Variants in TIMM29 observed in about 807,000 individuals in gnomAD.
The protein encoded by TIMM29 is translocase of inner mitochondrial membrane 29, also known as mitochondrial import inner membrane translocase subunit Tim29.
In TIMM29, 23 loss-of-function variants were observed where a neutral mutation model predicts 19.5. The observed-to-expected ratio is 1.18, with a 90% CI of 0.85 to 1.67. The LOEUF (loss-of-function observed/expected upper bound fraction) is 1.67, where lower values mean the gene tolerates loss of function less well. TIMM29 is among the 40% of genes most tolerant of loss of function. The pLI, the probability that TIMM29 is intolerant of heterozygous loss-of-function variation, is 0.00. For synonymous variants in TIMM29, 209 were observed against 185.0 expected, an observed-to-expected ratio of 1.13 and a Z score of -1.05; for missense variants, 404 against 384.7, an observed-to-expected ratio of 1.05 and a Z score of -0.42.
In TIMM29 at chr19:10,928,915, G is replaced by T; in HGVS notation, c.93G>T (p.Leu31=). The change falls in exon 1 of 2, where the codon CTG becomes CTT. Residue 31 remains leucine (L), a splice_region_variant and synonymous_variant. Transcript: ENST00000270502. ...CGAAGCCGGGAGTGTGGGCGCGGCTGGGTGAGTAGCGGCGGAAGGCGGCAG... is the reference window on the plus strand; with the variant it reads ...CGAAGCCGGGAGTGTGGGCGCGGCTTGGTGAGTAGCGGCGGAAGGCGGCAG... ...VVAKPGVWAR[L]GSWARALLRD... 6.6e-7 allele frequency: 1 copy of T among 1,515,570 alleles called. No homozygotes were observed. The highest frequency in any genetic ancestry group is 2.7e-5 in the East Asian group (1 of 37,368). 93.9% of individuals were successfully genotyped at this position (1,515,570 alleles called of 1,614,324 possible).
In TIMM29 at chr19:10,929,198, C is replaced by T. The variant is rs897179089; in HGVS notation, c.279C>T (p.Thr93=). The change falls in exon 2 of 2, where the codon ACC becomes ACT. Residue 93 remains threonine, a synonymous_variant. Transcript: ENST00000270502. ...AGGCGCTGCTGGAGGCGTCGGGGAC[C>T]CTCCTGCTGCTGGCGCCGGCCACCC... ...FEEALLEASG[T]LLLLAPATRN... is the part of the protein sequence containing the mutation. 5 of 1,469,152 alleles carry T rather than the reference C, an allele frequency of 3.4e-6. No individual in the cohort carries two copies. Among genetic ancestry groups the T allele is most frequent in the African/African-American group, 2.9e-5 (2 of 69,602 alleles). The allele number at this position is 1,469,152 out of a possible 1,614,324, so 91.0% of individuals were successfully genotyped here.
rs1438771682 is a variant in TIMM29 at position 10,928,827 on chromosome 19, C to T, written c.5C>T (p.Ala2Val). The T allele has an allele frequency of 3.9e-6, 6 of 1,529,008 alleles. No homozygotes were observed. The highest frequency in any genetic ancestry group is 4.4e-6 in the Non-Finnish European group (5 of 1,141,296). The allele number at this position is 1,529,008 out of a possible 1,614,324, so 94.7% of individuals were successfully genotyped here. A position where few individuals can be genotyped will look rare whatever the true frequency, so the allele number is the denominator to read the frequency against. The change falls in exon 1 of 2, where the codon GCC becomes GTC. Residue 2 changes from alanine to valine, a missense_variant. By Grantham distance (64) the Ala-to-Val change is moderately conservative. Coordinates refer to ENST00000270502, the MANE Select transcript of TIMM29 (RefSeq NM_138358.4). ...GGACCCCCAAGACGGAAGAGGATGG[C>T]CGCGGCGGCTCTGAGGAGATTTTGG... M[A>V]AAALRRFWSR...
chr19:10,929,844 G>T lies in TIMM29; in HGVS notation c.*142G>T. Reference sequence around the variant, plus strand: ...TTGCACAAGTTTGGGGAGCCTTTCTGCCCCCCGTCTTTGTTCTTTATTAGC... The same window carrying T: ...TTGCACAAGTTTGGGGAGCCTTTCTTCCCCCCGTCTTTGTTCTTTATTAGC... On this transcript the variant is annotated 3_prime_UTR_variant, in exon 2 of 2. Coordinates refer to ENST00000270502, the MANE Select transcript of TIMM29 (RefSeq NM_138358.4). The T allele has an allele frequency of 2.1e-6, 2 of 943,930 alleles. No individual in the cohort carries two copies. The highest frequency in any genetic ancestry group is 3.1e-6 in the Non-Finnish European group (2 of 651,240). The allele number at this position is 943,930 out of a possible 1,614,324, so 58.5% of individuals were successfully genotyped here. A position where few individuals can be genotyped will look rare whatever the true frequency, so the allele number is the denominator to read the frequency against.
At position 10,928,853 on chromosome 19, in the gene TIMM29, T is replaced by A; in HGVS notation, c.31T>A (p.Ser11Thr). Residue 11 changes from serine (S) to threonine (T), a missense_variant, in exon 1 of 2, where the codon TCC becomes ACC. Ser to Thr is a moderately conservative substitution (Grantham distance 58, BLOSUM62 1). Coordinates refer to ENST00000270502, the MANE Select transcript of TIMM29 (RefSeq NM_138358.4). MAAAALRRFWSRRRAEAGDAV... is the reference protein window; with the variant it reads MAAAALRRFWTRRRAEAGDAV... ...CGCGGCGGCTCTGAGGAGATTTTGG[T>A]CCCGGCGCCGCGCAGAGGCGGGCGA... 1.3e-6 allele frequency: 2 copies of A among 1,526,574 alleles called. No homozygotes were observed. Among genetic ancestry groups the A allele is most frequent in the South Asian group, 2.4e-5 (2 of 82,570 alleles). The allele number at this position is 1,526,574 out of a possible 1,614,324, so 94.6% of individuals were successfully genotyped here. A position where few individuals can be genotyped will look rare whatever the true frequency, so the allele number is the denominator to read the frequency against.
At position 10,928,920 on chromosome 19, in the gene TIMM29, A is replaced by G. The variant is rs750887649; in HGVS notation, c.94+4A>G. 1.3e-6 allele frequency: 2 copies of G among 1,511,666 alleles called. No individual in the cohort carries two copies. The highest frequency in any genetic ancestry group is 2.4e-5 in the South Asian group (2 of 81,838). The allele number at this position is 1,511,666 out of a possible 1,614,324, so 93.6% of individuals were successfully genotyped here. ...CCGGGAGTGTGGGCGCGGCTGGGTG[A>G]GTAGCGGCGGAAGGCGGCAGGGTGG... On this transcript the variant is annotated splice_donor_region_variant and intron_variant, in intron 1 of 1. Coordinates refer to ENST00000270502, the MANE Select transcript of TIMM29 (RefSeq NM_138358.4).
rs1245651113 is a variant in TIMM29, at chr19:10,930,251, T to C, written c.*549T>C. On this transcript the variant is annotated 3_prime_UTR_variant, in exon 2 of 2. Coordinates refer to ENST00000270502, the MANE Select transcript of TIMM29 (RefSeq NM_138358.4). ...AAAATTTGAGCTGAAATGTTTTTAT[T>C]CTATGACCTATTCTCTCTCGTTTTT... 6.6e-6 allele frequency: 1 copy of C among 151,928 alleles called. No homozygotes were observed. Among genetic ancestry groups the C allele is most frequent in the Non-Finnish European group, 1.5e-5 (1 of 68,140 alleles). The allele number at this position is 151,928 out of a possible 1,614,324, so 9.4% of individuals were successfully genotyped here.
In TIMM29 at chr19:10,928,861, CCGCGCAGAGGCGGGCGA is replaced by C. The variant is rs1240701158; in HGVS notation, c.44_60del (p.Ala15GlyfsTer34). On this transcript the variant is annotated frameshift_variant, in exon 1 of 2. Coordinates refer to ENST00000270502, the MANE Select transcript of TIMM29 (RefSeq NM_138358.4). LOFTEE classifies it high-confidence loss of function. ...CTCTGAGGAGATTTTGGTCCCGGCG[CCGCGCAGAGGCGGGCGA>C]CGCGGTAGTGGCGAAGCCGGGAGTG... 1.3e-6 allele frequency: 2 copies of C among 1,529,022 alleles called. No homozygotes were observed. Among genetic ancestry groups the C allele is most frequent in the Non-Finnish European group, 1.7e-6 (2 of 1,143,224 alleles). 94.7% of individuals were successfully genotyped at this position (1,529,022 alleles called of 1,614,324 possible).
chr19:10,928,860 G>A lies in TIMM29; in HGVS notation c.38G>A (p.Arg13His). 1 of 1,529,060 alleles carries A rather than the reference G, an allele frequency of 6.5e-7. No individual in the cohort carries two copies. Among genetic ancestry groups the A allele is most frequent in the Non-Finnish European group, 8.7e-7 (1 of 1,143,130 alleles). The allele number at this position is 1,529,060 out of a possible 1,614,324, so 94.7% of individuals were successfully genotyped here. A position where few individuals can be genotyped will look rare whatever the true frequency, so the allele number is the denominator to read the frequency against. ...GCTCTGAGGAGATTTTGGTCCCGGCGCCGCGCAGAGGCGGGCGACGCGGTA... is the reference window on the plus strand; with the variant it reads ...GCTCTGAGGAGATTTTGGTCCCGGCACCGCGCAGAGGCGGGCGACGCGGTA... ...AAALRRFWSRRRAEAGDAVVA... is the reference protein window; with the variant it reads ...AAALRRFWSRHRAEAGDAVVA... The change falls in exon 1 of 2, where the codon CGC (arginine) becomes CAC (histidine). Residue 13 changes from arginine to histidine, a missense_variant. Arg to His is a conservative substitution (Grantham distance 29). Coordinates refer to ENST00000270502, the MANE Select transcript of TIMM29 (RefSeq NM_138358.4).
At position 10,929,656 on chromosome 19, in the gene TIMM29, C is replaced by T. The variant is rs1257576188; in HGVS notation, c.737C>T (p.Ala246Val). ...CAGAAGGAGAAGAAGGACAGGCTCG[C>T]CCTGAGCCAGGCCCACTCGCTGGTG... ...VLQKEKKDRL[A>V]LSQAHSLVQA... The change falls in exon 2 of 2, where the codon GCC (alanine) becomes GTC (valine). Residue 246 changes from alanine (A) to valine (V), a missense_variant. Ala to Val is a moderately conservative substitution (Grantham distance 64). Transcript: ENST00000270502. The T allele has an allele frequency of 7.4e-6, 12 of 1,612,556 alleles. No homozygotes were observed. Among genetic ancestry groups the T allele is most frequent in the Non-Finnish European group, 9.3e-6 (11 of 1,179,814 alleles).
chr19:10,929,871 G>T lies in TIMM29; in HGVS notation c.*169G>T. The T allele has an allele frequency of 6.4e-6, 5 of 777,074 alleles. No homozygotes were observed. The highest frequency in any genetic ancestry group is 8.0e-6 in the Non-Finnish European group (4 of 501,152). 48.1% of individuals were successfully genotyped at this position (777,074 alleles called of 1,614,324 possible). ...CCCCCGTCTTTGTTCTTTATTAGCT[G>T]AAGCTAATTCAGAGCCACCTGGGTC... On this transcript the variant is annotated 3_prime_UTR_variant, in exon 2 of 2. Coordinates refer to ENST00000270502, the MANE Select transcript of TIMM29 (RefSeq NM_138358.4).
In TIMM29 at chr19:10,929,461, A is replaced by C. The variant is rs2083476153; in HGVS notation, c.542A>C (p.Asp181Ala). 2 of 1,612,766 alleles carry C rather than the reference A, an allele frequency of 1.2e-6. No individual in the cohort carries two copies. The highest frequency in any genetic ancestry group is 2.7e-5 in the African/African-American group (2 of 74,910). The change falls in exon 2 of 2, where the codon GAC (aspartate) becomes GCC (alanine). Residue 181 changes from aspartate to alanine, a missense_variant. By Grantham distance (126) the Asp-to-Ala change is moderately radical (BLOSUM62 -2). Transcript: ENST00000270502. ...RWWVLGAWMR[D>A]CDINDDEFLH... Reference sequence around the variant, plus strand: ...TGGGTGCTGGGGGCCTGGATGCGCGACTGCGACATCAACGACGACGAATTC... The same window carrying C: ...TGGGTGCTGGGGGCCTGGATGCGCGCCTGCGACATCAACGACGACGAATTC...
In TIMM29 at chr19:10,929,157, G is replaced by C. The variant is rs1044531871; in HGVS notation, c.238G>C (p.Glu80Gln). ...GGCCTGCTTCACGCTGGCGCCCAGC[G>C]AGGGTGCCTTCGAGGAGGCGCTGCT... ...AAACFTLAPSEGAFEEALLEA... is the reference protein window; with the variant it reads ...AAACFTLAPSQGAFEEALLEA... Residue 80 changes from glutamate (E) to glutamine (Q), a missense_variant, in exon 2 of 2, where the codon GAG becomes CAG. Glu to Gln is a conservative substitution (Grantham distance 29). Transcript: ENST00000270502. The C allele has an allele frequency of 6.9e-7, 1 of 1,454,948 alleles. No individual in the cohort carries two copies. The highest frequency in any genetic ancestry group is 9.0e-7 in the Non-Finnish European group (1 of 1,114,660). 90.1% of individuals were successfully genotyped at this position (1,454,948 alleles called of 1,614,324 possible).
In TIMM29 at chr19:10,929,071, C is replaced by T; in HGVS notation, c.152C>T (p.Ala51Val). The T allele has an allele frequency of 1.4e-6, 2 of 1,465,268 alleles. No homozygotes were observed. Among genetic ancestry groups the T allele is most frequent in the Non-Finnish European group, 8.9e-7 (1 of 1,121,528 alleles). The allele number at this position is 1,465,268 out of a possible 1,614,324, so 90.8% of individuals were successfully genotyped here. Residue 51 changes from alanine to valine, a missense_variant, in exon 2 of 2, where the codon GCG (alanine) becomes GTG (valine). By Grantham distance (64) the Ala-to-Val change is moderately conservative (BLOSUM62 0). Coordinates refer to ENST00000270502, the MANE Select transcript of TIMM29 (RefSeq NM_138358.4). ...DYAEACRDASAEARARPGRAA... is the reference protein window; with the variant it reads ...DYAEACRDASVEARARPGRAA... ...GCCGAGGCCTGCAGGGACGCTTCGG[C>T]GGAGGCTAGGGCCCGGCCGGGGCGC...
At position 10,929,434 on chromosome 19, in the gene TIMM29, G is replaced by A. The variant is rs778791266; in HGVS notation, c.515G>A (p.Trp172Ter). 2 of 1,612,314 alleles carry A rather than the reference G, an allele frequency of 1.2e-6. No individual in the cohort carries two copies. The highest frequency in any genetic ancestry group is 1.7e-6 in the Non-Finnish European group (2 of 1,179,794). The part of the protein sequence containing the change: ...RVLDVGFVGR[W>*]WVLGAWMRDC... Reference sequence around the variant, plus strand: ...CTGGACGTGGGCTTCGTGGGTCGCTGGTGGGTGCTGGGGGCCTGGATGCGC... The same window carrying A: ...CTGGACGTGGGCTTCGTGGGTCGCTAGTGGGTGCTGGGGGCCTGGATGCGC... Residue 172 changes from tryptophan to a stop codon, truncating the protein, a stop_gained, in exon 2 of 2, where the codon TGG becomes TAG. Coordinates refer to ENST00000270502, the MANE Select transcript of TIMM29 (RefSeq NM_138358.4). LOFTEE classifies it high-confidence loss of function.
rs1284706253 is a variant in TIMM29 at position 10,929,268 on chromosome 19, C to T, written c.349C>T (p.Arg117Trp). 5 of 1,536,666 alleles carry T rather than the reference C, an allele frequency of 3.3e-6. No individual in the cohort carries two copies. The highest frequency in any genetic ancestry group is 1.8e-4 in the Middle Eastern group (1 of 5,618). Residue 117 changes from arginine to tryptophan, a missense_variant, in exon 2 of 2, where the codon CGG becomes TGG. Coordinates refer to ENST00000270502, the MANE Select transcript of TIMM29 (RefSeq NM_138358.4). ...EAFVQRLLWL[R>W]GRGRLRYVNL... is the part of the protein sequence containing the mutation. ...CTTCGTGCAGAGGCTGCTCTGGCTG[C>T]GGGGCCGTGGCCGCCTGCGCTACGT...
At position 10,929,978 on chromosome 19, in the gene TIMM29, T is replaced by G. The variant is rs1437233000; in HGVS notation, c.*276T>G. 1.3e-5 allele frequency: 5 copies of G among 397,870 alleles called. No homozygotes were observed. In the East Asian group the frequency reaches 2.3e-4, roughly 18 times the overall value. The allele number at this position is 397,870 out of a possible 1,614,324, so 24.6% of individuals were successfully genotyped here. ...CATGAGCCTTTTATATAAGCCTTTT[T>G]CATCGGGCCTCAGAGGCCCTCCTTA... On this transcript the variant is annotated 3_prime_UTR_variant, in exon 2 of 2. Transcript: ENST00000270502.
chr19:10,929,751 A>C lies in TIMM29; in HGVS notation c.*49A>C. ...GCAAACTGCTTGCCTGGGGTGGTGC[A>C]GTTCTGAGTGTGCCTCACCTGCAGA... On this transcript the variant is annotated 3_prime_UTR_variant, in exon 2 of 2. Coordinates refer to ENST00000270502, the MANE Select transcript of TIMM29 (RefSeq NM_138358.4). 1 of 1,502,772 alleles carries C rather than the reference A, an allele frequency of 6.7e-7. No individual in the cohort carries two copies. The allele number at this position is 1,502,772 out of a possible 1,614,324, so 93.1% of individuals were successfully genotyped here.
rs573711818 is a variant in TIMM29, at chr19:10,930,107, C to T, written c.*405C>T. Reference sequence around the variant, plus strand: ...GCCTGGCATGGTGATGTCTGTAATCCCAGCAGTTTGCAAACTGAGGCAAGA... The same window carrying T: ...GCCTGGCATGGTGATGTCTGTAATCTCAGCAGTTTGCAAACTGAGGCAAGA... On this transcript the variant is annotated 3_prime_UTR_variant, in exon 2 of 2. Transcript: ENST00000270502. 4.4e-4 allele frequency: 73 copies of T among 165,882 alleles called. No homozygotes were observed. The highest frequency in any genetic ancestry group is 6.1e-3 in the Middle Eastern group (2 of 330). The allele number at this position is 165,882 out of a possible 1,614,324, so 10.3% of individuals were successfully genotyped here.
Position 10,929,724 on chromosome 19 carries a change from T to C in TIMM29, c.*22T>C. 1.9e-6 allele frequency: 3 copies of C among 1,561,238 alleles called. No homozygotes were observed. The highest frequency in any genetic ancestry group is 2.6e-6 in the Non-Finnish European group (3 of 1,151,450). ...ATGAAACCCTGAGGCCCCCGAGTCC[T>C]GGCAAACTGCTTGCCTGGGGTGGTG... On this transcript the variant is annotated 3_prime_UTR_variant, in exon 2 of 2. Transcript: ENST00000270502.
Sources: gnomAD v4.1 joint callset for allele counts on GRCh38, gnomAD v4.1.1 for gene constraint, MANE v1.5 for transcripts, NCBI Gene and HGNC (gene_info 2026-07-23, HGNC 2026-07-21) for gene names.